Variants in DZANK1 observed in about 807,000 individuals in gnomAD.
DZANK1 encodes double zinc ribbon and ankyrin repeat-containing protein 1.
Under a neutral mutation model 94.5 loss-of-function variants are expected in DZANK1, and 91 were observed. The observed-to-expected ratio is 0.96, with a 90% CI of 0.81 to 1.15. The LOEUF (loss-of-function observed/expected upper bound fraction) is 1.15, where lower values mean the gene tolerates loss of function less well. Among genes scored for constraint, DZANK1 ranks in the 50% most tolerant of loss-of-function variants. The pLI, the probability that DZANK1 is intolerant of heterozygous loss-of-function variation, is 0.00. For missense variants in DZANK1, 903 were observed against 916.4 expected (o/e 0.99, Z 0.19); for synonymous variants, 312 against 325.3 (o/e 0.96, Z 0.44).
intron 15 of DZANK1, 200 bp from the exon 16 acceptor site, chr20:18,394,550 G>T (rs2056220754): frequency 1.5e-6 from 1 of 682,818 alleles, no homozygotes; most frequent in East Asian, 2.8e-5. Context: ...CTTACCCGCG[G>T]CTCAGTCTGG....
chr20:18,410,738 A>G (rs1235091534), intron 13 of DZANK1, among the ~76,000 whole-genome samples: 1 of 152,162 alleles, frequency 6.6e-6, no homozygotes, highest in Non-Finnish European at 1.5e-5. Flanking sequence ...CTTGACACCT[A>G]GAGTTTGAGA....
intron 9 of DZANK1, chr20:18,432,370 T>C (rs1204023010): frequency 6.6e-6 from 1 of 152,184 alleles, no homozygotes; most frequent in Non-Finnish European, 1.5e-5. Flanking sequence ...GATTTCTCTC[T>C]CCCATATATA....
chr20:18,453,902 T>C lies in DZANK1; in HGVS notation c.379-75A>G, dbSNP rs750305159. ...AATTAAAGCTGCATGATAGAGAAAG[T>C]GTCATGGTGTGCATTTCTTATTTGA... On this transcript the variant is annotated intron_variant, in intron 4 of 20. Transcript: ENST00000262547. 6 of 925,534 alleles carry C rather than the reference T, an allele frequency of 6.5e-6. No individual in the cohort carries two copies. In the African/African-American group the frequency reaches 8.1e-5, roughly 12 times the overall value. 57.3% of individuals were successfully genotyped at this position (925,534 alleles called of 1,614,324 possible). A position where few individuals can be genotyped will look rare whatever the true frequency, so the allele number is the denominator to read the frequency against.
chr20:18,431,076 T>G (rs2075713838), intron 9 of DZANK1, among the ~76,000 whole-genome samples: 1 of 152,180 alleles, frequency 6.6e-6, no homozygotes, highest in South Asian at 2.1e-4. Flanking sequence ...ATACACTTTT[T>G]GGTATATCTT....
Position 18,427,048 on chromosome 20 carries a change from G to C in DZANK1, c.954+19C>G, listed in dbSNP as rs762348796. On this transcript the variant is annotated intron_variant, in intron 10 of 20. Coordinates refer to ENST00000262547, the Ensembl canonical transcript of DZANK1. ...ATAGTAGCCACTAAATATAGGATTG[G>C]CACATGCAATCAACCTACCTCTTGT... 6.4e-7 allele frequency: 1 copy of C among 1,562,386 alleles called. No homozygotes were observed. The highest frequency in any genetic ancestry group is 8.8e-7 in the Non-Finnish European group (1 of 1,137,008).
chr20:18,415,574 GTT>G (rs10618072), intron 10 of DZANK1, 125 bp from the exon 11 acceptor site: 24,811 of 1,138,752 alleles, frequency 0.022, 402 homozygotes, highest in African/African-American at 0.075. Context: ...TTTTTGTTTT[GTT>G]TTGTTTTGTT....
chr20:18,438,267 G>A (rs1409362520), intron 8 of DZANK1, among the ~76,000 whole-genome samples: 1 of 140,144 alleles, frequency 7.1e-6, no homozygotes, highest in Non-Finnish European at 1.6e-5. Flanking sequence ...AGCAGTAAAC[G>A]AGGGAAAAAG....
rs767527373 is a variant in DZANK1 at position 18,427,146 on chromosome 20, C to T, written c.875G>A (p.Cys292Tyr). ...AGGATTTCCTGTACCACAGGCCCGG[C>T]AAATTACCTTCTCCTTAACAACAAA... Residue 292 changes from cysteine (C) to tyrosine (Y), a missense_variant, in exon 10 of 21, where the codon TGC becomes TAC. Coordinates refer to ENST00000262547, the Ensembl canonical transcript of DZANK1. The T allele has an allele frequency of 1.9e-6, 3 of 1,612,476 alleles. No individual in the cohort carries two copies. The highest frequency in any genetic ancestry group is 1.7e-5 in the Admixed American group (1 of 59,938).
At chr20:18,432,968 A>G (rs2058343568) in intron 9 of DZANK1, 1 of 152,208 alleles carries the variant, frequency 6.6e-6, no homozygotes, top group Non-Finnish European at 1.5e-5. Context: ...CTTTTTCTCC[A>G]TAACAAGAAC....
At chr20:18,411,467 A>T (rs1003968380) in intron 13 of DZANK1, among the ~76,000 whole-genome samples, 7 of 152,208 alleles carry the variant, frequency 4.6e-5, no homozygotes, top group African/African-American at 1.7e-4. Context: ...ACAGACCTAT[A>T]AAAAGTAAAG....
intron 8 of DZANK1, among the ~76,000 whole-genome samples, chr20:18,443,142 G>A (rs565023366): frequency 1.3e-5 from 2 of 152,006 alleles, no homozygotes; most frequent in South Asian, 2.1e-4. Context: ...TTTTAAGCCC[G>A]TGCTTCTGGC....
intron 10 of DZANK1, chr20:18,420,623 G>C (rs2057731138): frequency 4.7e-6 from 1 of 214,904 alleles, no homozygotes; most frequent in African/African-American, 2.3e-5. Context: ...TTCCAGCGGA[G>C]GATGCCCTTT....
chr20:18,398,601 G>A, exon 14 of DZANK1: 1 of 1,614,014 alleles, frequency 6.2e-7, no homozygotes, highest in Non-Finnish European at 8.5e-7. Flanking sequence ...GAGCAGAGAT[G>A]TGATCCAGCT....
chr20:18,427,695 G>A (rs1241415981), intron 9 of DZANK1, among the ~76,000 whole-genome samples: 1 of 151,924 alleles, frequency 6.6e-6, no homozygotes, highest in East Asian at 1.9e-4. Context: ...GGCTTAAACA[G>A]TAAACAGAAA....
intron 13 of DZANK1, among the ~76,000 whole-genome samples, chr20:18,409,009 AG>A (rs1296723914): frequency 6.6e-6 from 1 of 152,190 alleles, no homozygotes; most frequent in African/African-American, 2.4e-5. Context: ...GTTAAAAAGC[AG>A]GGGGGATTAA....
chr20:18,413,017 T>A, intron 12 of DZANK1, 164 bp from the exon 13 acceptor site: 1 of 674,318 alleles, frequency 1.5e-6, no homozygotes, highest in Non-Finnish European at 2.5e-6. Flanking sequence ...CTTGCTCCTG[T>A]CTTTCTCAGC....
chr20:18,433,496 T>G (rs2058370082), intron 9 of DZANK1, 156 bp downstream of exon 9: 1 of 620,618 alleles, frequency 1.6e-6, no homozygotes, highest in South Asian at 1.9e-5. Flanking sequence ...GAGCTGAGAT[T>G]GCGCTACTGC....
At chr20:18,384,528 G>A (rs1164197971) in exon 21 of DZANK1, 2 of 1,609,740 alleles carry the variant, frequency 1.2e-6, no homozygotes, top group Non-Finnish European at 1.7e-6. Context: ...ATGCTGTCTG[G>A]CCTCCTGCAT....
At chr20:18,450,930 T>C (rs1014276670) in intron 6 of DZANK1, among the ~76,000 whole-genome samples, 1 of 152,170 alleles carries the variant, frequency 6.6e-6, no homozygotes, top group Non-Finnish European at 1.5e-5. Flanking sequence ...AATGCACTGA[T>C]ATGCCTTTTA....
Sources: allele counts gnomAD v4.1 joint callset (sites outside exome capture counted in the v4.1 genomes callset), GRCh38; gene constraint gnomAD v4.1.1; transcripts MANE v1.5; gene names NCBI Gene and HGNC (gene_info 2026-07-23, HGNC 2026-07-21).